Variants in ULK4 observed in about 807,000 individuals in gnomAD.
The protein encoded by ULK4 is unc-51 like kinase 4, also known as inactive serine/threonine-protein kinase ULK4.
A neutral mutation model predicts 160.6 loss-of-function variants in ULK4; 133 were observed. That is an observed-to-expected ratio of 0.83 (90% confidence interval 0.72 to 0.96). The LOEUF (loss-of-function observed/expected upper bound fraction) is 0.96. Among genes scored for constraint, ULK4 ranks in the 40% least tolerant of loss-of-function variants. The probability of loss-of-function intolerance (pLI) is 0.00; values close to 1 mark genes in which losing one functional copy is unlikely to be tolerated. For synonymous variants in ULK4, 534 were observed against 539.8 expected (o/e 0.99, Z 0.15); for missense variants, 1,580 against 1,499.5 (o/e 1.05, Z -0.89).
chr3:41,563,622 G>A (rs549558399), intron 32 of ULK4, among the ~76,000 whole-genome samples: 63 of 152,058 alleles, frequency 4.1e-4, no homozygotes, highest in South Asian at 3.3e-3. Flanking sequence ...CTTCAATCAC[G>A]GATACCCTTT....
chr3:41,760,281 G>A (rs1295485714), intron 21 of ULK4, among the ~76,000 whole-genome samples: 1 of 152,064 alleles, frequency 6.6e-6, no homozygotes, highest in African/African-American at 2.4e-5. Context: ...TGAGTATGTA[G>A]AGCAACTGAA....
At chr3:41,819,879 T>C (rs191377168) in intron 18 of ULK4, among the ~76,000 whole-genome samples, 2 of 152,162 alleles carry the variant, frequency 1.3e-5, no homozygotes, top group African/African-American at 4.8e-5. Context: ...TCTGGAATGA[T>C]TTGAAAGCAT....
intron 35 of ULK4, among the ~76,000 whole-genome samples, chr3:41,393,902 C>T (rs1204073210): frequency 1.3e-5 from 2 of 152,112 alleles, no homozygotes; most frequent in South Asian, 2.1e-4. Context: ...GGGCTTGATA[C>T]CAGCTCTACC....
chr3:41,924,379 T>C lies in ULK4; in HGVS notation c.542-4561A>G, dbSNP rs569731129. ...CTATGAAGTACACGATCCCAAAAGG[T>C]CAGGGCTGATTCTGCCCTGCTGGTT... On this transcript the variant is annotated intron_variant, in intron 5 of 36. Coordinates refer to ENST00000301831, the MANE Select transcript of ULK4 (RefSeq NM_017886.4). 1.1e-3 allele frequency among the ~76,000 whole-genome samples: 170 copies of C among 152,290 alleles called. 1 individual carries two copies. Among genetic ancestry groups the C allele is most frequent in the Middle Eastern group, 6.8e-3 (2 of 294 alleles).
chr3:41,703,129 C>T (rs542669931), intron 27 of ULK4, among the ~76,000 whole-genome samples: 4 of 152,256 alleles, frequency 2.6e-5, no homozygotes, highest in African/African-American at 9.6e-5. Context: ...GCTGGGATTA[C>T]AGGCGTGATC....
At chr3:41,634,303 G>A (rs772476864) in intron 30 of ULK4, among the ~76,000 whole-genome samples, 1 of 152,196 alleles carries the variant, frequency 6.6e-6, no homozygotes, top group Non-Finnish European at 1.5e-5. Flanking sequence ...CTGACATTGT[G>A]TTCTCCCAGG....
intron 32 of ULK4, among the ~76,000 whole-genome samples, chr3:41,545,360 T>C (rs2086824503): frequency 6.6e-6 from 1 of 152,180 alleles, no homozygotes; most frequent in South Asian, 2.1e-4. Flanking sequence ...ATCTCAAGTG[T>C]CCTTATTTCA....
chr3:41,249,874 G>T (rs918848670), intron 35 of ULK4, among the ~76,000 whole-genome samples: 2 of 152,194 alleles, frequency 1.3e-5, no homozygotes, highest in Non-Finnish European at 2.9e-5. Flanking sequence ...GAGAGTTTGT[G>T]TCTGGGAACC....
intron 17 of ULK4, among the ~76,000 whole-genome samples, chr3:41,852,318 T>C (rs2042237038): frequency 6.6e-6 from 1 of 152,152 alleles, no homozygotes; most frequent in Non-Finnish European, 1.5e-5. Context: ...AAAAAATTTG[T>C]TTTCATTTTA....
intron 32 of ULK4, among the ~76,000 whole-genome samples, chr3:41,528,925 G>A (rs554829079): frequency 7.2e-5 from 11 of 152,280 alleles, no homozygotes; most frequent in South Asian, 6.2e-4. Context: ...ACAAACCCCC[G>A]TGACACATGT....
chr3:41,814,301 G>A (rs973011652), intron 19 of ULK4, among the ~76,000 whole-genome samples: 5 of 152,058 alleles, frequency 3.3e-5, no homozygotes, highest in African/African-American at 9.7e-5. Flanking sequence ...CTTTTCTGTC[G>A]CTTTCTCATT....
intron 34 of ULK4, among the ~76,000 whole-genome samples, chr3:41,421,297 C>A (rs2082659172): frequency 6.6e-6 from 1 of 152,162 alleles, no homozygotes; most frequent in Non-Finnish European, 1.5e-5. Flanking sequence ...TTTCTCTCAT[C>A]TTACAGCATT....
intron 30 of ULK4, among the ~76,000 whole-genome samples, chr3:41,617,465 T>C (rs562006753): frequency 6.6e-5 from 10 of 152,280 alleles, no homozygotes; most frequent in African/African-American, 2.4e-4. Context: ...CCACTGGTGA[T>C]ACTCAGGCAA....
intron 30 of ULK4, among the ~76,000 whole-genome samples, chr3:41,616,593 C>T (rs750185850): frequency 5.9e-5 from 9 of 152,172 alleles, no homozygotes; most frequent in African/African-American, 1.7e-4. Flanking sequence ...CTGTGCTACC[C>T]GGCCTGGTTA....
rs536472703 is a variant in ULK4 at position 41,432,503 on chromosome 3, C to T, written c.3492+22994G>A. Among the ~76,000 whole-genome samples, 6 of 152,228 alleles carry T rather than the reference C, an allele frequency of 3.9e-5. No individual in the cohort carries two copies. The South Asian group carries it at 8.3e-4, about 21-fold the overall frequency. ...AACTATACCAGAACAGCTTTCCCAC[C>T]GGGAAGCCACTACTCACCCCCACTT... On this transcript the variant is annotated intron_variant, in intron 34 of 36. Transcript: ENST00000301831.
chr3:41,607,875 T>A (rs1458704079), intron 31 of ULK4, among the ~76,000 whole-genome samples: 2 of 152,146 alleles, frequency 1.3e-5, no homozygotes, highest in African/African-American at 4.8e-5. Flanking sequence ...TAAAGACAGA[T>A]ACAAACTAAT....
At chr3:41,937,931 A>G (rs1292565903) in intron 3 of ULK4, 167 bp downstream of exon 3, 11 of 435,152 alleles carry the variant, frequency 2.5e-5, no homozygotes, top group Non-Finnish European at 3.1e-5. Flanking sequence ...TTGAATTTAC[A>G]TAATTCTTCT....
intron 16 of ULK4, among the ~76,000 whole-genome samples, chr3:41,889,503 A>C (rs1697839524): frequency 6.6e-6 from 1 of 152,214 alleles, no homozygotes; most frequent in African/African-American, 2.4e-5. Context: ...GCATGGACAC[A>C]AAGAGGGAAC....
At position 41,340,713 on chromosome 3, in the gene ULK4, A is replaced by G. The variant is rs556105623; in HGVS notation, c.3678+57366T>C. 8.5e-4 allele frequency among the ~76,000 whole-genome samples: 129 copies of G among 152,358 alleles called. 1 individual carries two copies. Among genetic ancestry groups the G allele is most frequent in the African/African-American group, 3.0e-3 (126 of 41,582 alleles). ...TATGAACATTTTCATCATTGTAGAA[A>G]GTTCTGGAGAGTACTGAACTAGACG... On this transcript the variant is annotated intron_variant, in intron 35 of 36. Coordinates refer to ENST00000301831, the MANE Select transcript of ULK4 (RefSeq NM_017886.4).
Sources: allele counts gnomAD v4.1 joint callset (sites outside exome capture counted in the v4.1 genomes callset), GRCh38; gene constraint gnomAD v4.1.1; transcripts MANE v1.5; gene names NCBI Gene and HGNC (gene_info 2026-07-23, HGNC 2026-07-21).